The following PPP1R9A variants were observed in gnomAD, a reference collection of about 807,000 sequenced individuals.
The protein encoded by PPP1R9A is protein phosphatase 1 regulatory subunit 9A.
In PPP1R9A, 59 loss-of-function variants were observed where a neutral mutation model predicts 141.9. The observed-to-expected ratio is 0.42, with a 90% CI of 0.34 to 0.52. The LOEUF is 0.52. Among genes scored for constraint, PPP1R9A ranks in the 20% least tolerant of loss-of-function variants. The pLI is 0.10. For missense variants in PPP1R9A, 1,444 were observed against 1,611.9 expected (o/e 0.90, Z 1.78); for synonymous variants, 500 against 569.7 (o/e 0.88, Z 1.74).
intron 2 of PPP1R9A, among the ~76,000 whole-genome samples, chr7:95,000,826 C>G (rs544723623): frequency 6.6e-6 from 1 of 152,078 alleles, no homozygotes; most frequent in African/African-American, 2.4e-5. Context: ...TCTGAATATT[C>G]TCTTTCAAAA....
chr7:95,031,431 C>G (rs1807669091), intron 2 of PPP1R9A, among the ~76,000 whole-genome samples: 1 of 152,120 alleles, frequency 6.6e-6, no homozygotes, highest in African/African-American at 2.4e-5. Context: ...AATATTGGAT[C>G]TTTAATAAAA....
intron 4 of PPP1R9A, among the ~76,000 whole-genome samples, chr7:95,139,391 CAT>C (rs1336747566): frequency 6.6e-6 from 1 of 152,296 alleles, no homozygotes; most frequent in Non-Finnish European, 1.5e-5. Flanking sequence ...CCTCCCACAA[CAT>C]GTGAGGATTA....
At chr7:95,164,281 G>A (rs561790640) in intron 5 of PPP1R9A, among the ~76,000 whole-genome samples, 1 of 152,150 alleles carries the variant, frequency 6.6e-6, no homozygotes, top group African/African-American at 2.4e-5. Context: ...GGTGTATAGT[G>A]GAATCTGATT....
At chr7:95,137,956 G>A (rs140372096) in intron 4 of PPP1R9A, among the ~76,000 whole-genome samples, 116 of 141,006 alleles carry the variant, frequency 8.2e-4, no homozygotes, top group African/African-American at 2.6e-3. Context: ...TTTTTGAGAC[G>A]GAGTCTTGCT....
intron 18 of PPP1R9A, chr7:95,287,064 T>G (rs1042133346): frequency 6.4e-7 from 1 of 1,573,990 alleles, no homozygotes; most frequent in Non-Finnish European, 8.7e-7. Context: ...GTCTCCTGTT[T>G]CTGTAACACT....
At chr7:95,268,367 A>G (rs1293075136) in intron 12 of PPP1R9A, among the ~76,000 whole-genome samples, 183 bp from the exon 13 acceptor site, 1 of 150,836 alleles carries the variant, frequency 6.6e-6, no homozygotes, top group Non-Finnish European at 1.5e-5. Context: ...TCTTCCTTTG[A>G]CTTTGTATAT....
chr7:94,928,779 G>A (rs771029144), intron 2 of PPP1R9A, among the ~76,000 whole-genome samples: 1 of 152,152 alleles, frequency 6.6e-6, no homozygotes, highest in Non-Finnish European at 1.5e-5. Flanking sequence ...GGGAAGAGCT[G>A]ATAAAATATG....
At chr7:95,126,340 A>G (rs973576535) in intron 4 of PPP1R9A, among the ~76,000 whole-genome samples, 4 of 152,120 alleles carry the variant, frequency 2.6e-5, no homozygotes, top group African/African-American at 7.2e-5. Flanking sequence ...GAAAAATCCA[A>G]TTTATGTATT....
intron 2 of PPP1R9A, among the ~76,000 whole-genome samples, chr7:95,040,201 G>T (rs886257324): frequency 2.1e-4 from 32 of 151,758 alleles, no homozygotes; most frequent in Admixed American, 1.3e-4. Flanking sequence ...AGATAAATAA[G>T]ACCTAATAAC....
chr7:95,188,618 A>C (rs1474776046), intron 5 of PPP1R9A, among the ~76,000 whole-genome samples: 2 of 112,422 alleles, frequency 1.8e-5, no homozygotes, highest in Non-Finnish European at 3.6e-5. Context: ...TTTTTTTTTG[A>C]GACAGAATCT....
chr7:95,003,295 C>A (rs1188612143), intron 2 of PPP1R9A, among the ~76,000 whole-genome samples: 1 of 152,072 alleles, frequency 6.6e-6, no homozygotes, highest in Non-Finnish European at 1.5e-5. Context: ...AAGAATCATG[C>A]ATAAAATGTA....
At chr7:95,001,879 C>T (rs913446553) in intron 2 of PPP1R9A, among the ~76,000 whole-genome samples, 1 of 152,118 alleles carries the variant, frequency 6.6e-6, no homozygotes, top group African/African-American at 2.4e-5. Flanking sequence ...CAAGGGAAAC[C>T]ATAGAGCTCT....
chr7:95,187,538 T>A (rs1447178567), intron 5 of PPP1R9A, among the ~76,000 whole-genome samples: 1 of 152,150 alleles, frequency 6.6e-6, no homozygotes, highest in African/African-American at 2.4e-5. Flanking sequence ...TGTTGGTTCT[T>A]TTCTTCTGCT....
chr7:95,222,632 G>C (rs959381089), intron 7 of PPP1R9A, among the ~76,000 whole-genome samples: 1 of 151,988 alleles, frequency 6.6e-6, no homozygotes, highest in Non-Finnish European at 1.5e-5. Flanking sequence ...GTGGATTTGC[G>C]TGTTAGGACA....
intron 2 of PPP1R9A, among the ~76,000 whole-genome samples, chr7:95,078,316 T>G (rs1219594441): frequency 6.6e-6 from 1 of 151,956 alleles, no homozygotes; most frequent in Non-Finnish European, 1.5e-5. Flanking sequence ...GAACTCATCA[T>G]TTTTTATGGC....
chr7:95,025,471 G>A (rs1391623783), intron 2 of PPP1R9A, among the ~76,000 whole-genome samples: 3 of 152,160 alleles, frequency 2.0e-5, no homozygotes, highest in Non-Finnish European at 4.4e-5. Flanking sequence ...GCCTTTGTGG[G>A]TAACCCGACA....
chr7:95,159,702 T>A (rs1184255807), intron 4 of PPP1R9A, among the ~76,000 whole-genome samples: 1 of 151,636 alleles, frequency 6.6e-6, no homozygotes, highest in Non-Finnish European at 1.5e-5. Context: ...GGCGGGAAGA[T>A]CACAAGGTCA....
chr7:95,208,956 T>TAAAAAAAAAAAAAAAAAAAAAAA (rs10670515), intron 7 of PPP1R9A, among the ~76,000 whole-genome samples: 2 of 76,906 alleles, frequency 2.6e-5, no homozygotes, highest in African/African-American at 1.1e-4. Flanking sequence ...ATAGCAAAAC[T>TAAAAAAAAAAAAAAAAAAAAAAA]AAAAAAAAAA....
intron 2 of PPP1R9A, among the ~76,000 whole-genome samples, chr7:94,926,199 A>G (rs1000119522): frequency 6.6e-6 from 1 of 152,176 alleles, no homozygotes; most frequent in African/African-American, 2.4e-5. Flanking sequence ...TACAAATGAA[A>G]GCTGGGTGAT....
Sources: allele counts gnomAD v4.1 joint callset (sites outside exome capture counted in the v4.1 genomes callset), GRCh38; gene constraint gnomAD v4.1.1; transcripts MANE v1.5; gene names NCBI Gene and HGNC (gene_info 2026-07-23, HGNC 2026-07-21).